LYZL2: variants seen among roughly 807,000 people sequenced by gnomAD.
The protein encoded by LYZL2 is lysozyme like 2.
Under a neutral mutation model 17.1 loss-of-function variants are expected in LYZL2, and 13 were observed. The ratio of observed to expected loss-of-function variants is 0.76; its 90% CI spans 0.49 to 1.21. The LOEUF (loss-of-function observed/expected upper bound fraction) is 1.21, where lower values mean the gene tolerates loss of function less well. Among genes scored for constraint, LYZL2 ranks in the 50% most tolerant of loss-of-function variants. The pLI is 0.00. For missense variants in LYZL2, 166 were observed against 189.2 expected, an observed-to-expected ratio of 0.88 and a Z score of 0.72; for synonymous variants, 63 against 74.4, an observed-to-expected ratio of 0.85 and a Z score of 0.79.
chr10:30,609,230 C>G (rs781715084), downstream of LYZL2, among the ~76,000 whole-genome samples: 2 of 152,156 alleles, frequency 1.3e-5, no homozygotes, highest in Non-Finnish European at 2.9e-5. Context: ...TGGTCTAGGC[C>G]TCAAGTAGCT....
At chr10:30,607,349 A>G (rs1838389197), downstream of LYZL2, among the ~76,000 whole-genome samples, 1 of 152,074 alleles carries the variant, frequency 6.6e-6, no homozygotes. Context: ...CTTTTGGGTT[A>G]CATCAGCAAA....
downstream of LYZL2, among the ~76,000 whole-genome samples, chr10:30,607,594 C>T (rs1356101081): frequency 1.3e-5 from 2 of 152,114 alleles, no homozygotes; most frequent in African/African-American, 2.4e-5. Flanking sequence ...CTTGTGGAAT[C>T]GGATGAGAGA....
At chr10:30,608,399 T>C (rs770775122), downstream of LYZL2, among the ~76,000 whole-genome samples, 1 of 152,236 alleles carries the variant, frequency 6.6e-6, no homozygotes, top group Admixed American at 6.5e-5. Flanking sequence ...GCCTCTACTT[T>C]TAAAATTCAC....
At chr10:30,611,724 A>AAGAAAGAAAGAAAGAAAGAAAGAG (rs1564406074), downstream of LYZL2, 14 of 398,738 alleles carry the variant, frequency 3.5e-5, 1 homozygote, top group African/African-American at 7.3e-4. Flanking sequence ...GAAAGAAAGA[A>AAGAAAGAAAGAAAGAAAGAAAGAG]AAGAAAAGAA....
chr10:30,620,463 A>G (rs7896682), intron 3 of LYZL2, among the ~76,000 whole-genome samples: 27,078 of 152,208 alleles, frequency 0.18, 2,981 homozygotes, highest in East Asian at 0.48. Context: ...CTTTCAAAAT[A>G]GTCTTTTTCT....
chr10:30,611,574 A>AAGGAAGGAAGGAAGGAAGGAAG (rs1268623996), downstream of LYZL2, among the ~76,000 whole-genome samples: 20 of 61,918 alleles, frequency 3.2e-4, no homozygotes, highest in East Asian at 4.6e-4. Flanking sequence ...AAGGAAGGAA[A>AAGGAAGGAAGGAAGGAAGGAAG]GAAAGAAAGA....
chr10:30,620,962 A>G (rs937282961), intron 3 of LYZL2, among the ~76,000 whole-genome samples: 2 of 152,228 alleles, frequency 1.3e-5, no homozygotes, highest in African/African-American at 4.8e-5. Context: ...AGGAACCTCA[A>G]TGATGAATGG....
At chr10:30,625,367 G>A (rs1404662703) in intron 3 of LYZL2, among the ~76,000 whole-genome samples, 1 of 152,128 alleles carries the variant, frequency 6.6e-6, no homozygotes, top group African/African-American at 2.4e-5. Flanking sequence ...CATTGCCCAG[G>A]ATAATCTCTC....
chr10:30,616,334 T>G (rs1838527326), intron 3 of LYZL2, among the ~76,000 whole-genome samples: 1 of 152,224 alleles, frequency 6.6e-6, no homozygotes, highest in Non-Finnish European at 1.5e-5. Context: ...ATACGCAGAT[T>G]CACTAGCATT....
chr10:30,609,158 T>C, downstream of LYZL2, among the ~76,000 whole-genome samples: 1 of 152,194 alleles, frequency 6.6e-6, no homozygotes, highest in East Asian at 1.9e-4. Context: ...TATTTTTGAA[T>C]GTTAACTATT....
In LYZL2 at chr10:30,629,573, A is replaced by G. The variant is rs547083375; in HGVS notation, c.-26+20T>C. ...GGTTCTCAGGGACAGGTGGCTTCAT[A>G]AGAGTAATTTAGGTCTTACTGAAAA... On this transcript the variant is annotated intron_variant, in intron 1 of 4. Transcript: ENST00000647634. 9.9e-6 allele frequency: 16 copies of G among 1,612,560 alleles called. No homozygotes were observed. The African/African-American group carries it at 1.6e-4, about 16-fold the overall frequency.
chr10:30,619,068 A>G (rs1190692823), intron 3 of LYZL2, among the ~76,000 whole-genome samples: 2 of 152,266 alleles, frequency 1.3e-5, no homozygotes, highest in Admixed American at 6.5e-5. Flanking sequence ...CAACAGACAC[A>G]TGAAAAAATG....
downstream of LYZL2, among the ~76,000 whole-genome samples, chr10:30,610,750 AT>A (rs950152378): frequency 5.9e-3 from 886 of 149,046 alleles, 8 homozygotes; most frequent in African/African-American, 0.02. Context: ...TTATTTATTT[AT>A]TTTTTTTTCT....
At position 30,626,865 on chromosome 10, in the gene LYZL2, G is replaced by A. The variant is rs41288995; in HGVS notation, c.51C>T (p.Ala17=). 20 of 1,613,498 alleles carry A rather than the reference G, an allele frequency of 1.2e-5. 1 individual carries two copies. In the South Asian group the frequency reaches 1.6e-4, roughly 13 times the overall value. Residue 17 remains alanine, a synonymous_variant, in exon 2 of 5, where the codon GCC becomes GCT. Transcript: ENST00000647634. ...TGCAACGAGTGTAGATTTTGGACTCGGCGCCTGTGACCAGGCAGCCAATGA... is the reference window on the plus strand; with the variant it reads ...TGCAACGAGTGTAGATTTTGGACTCAGCGCCTGTGACCAGGCAGCCAATGA... ...LTLIGCLVTG[A]ESKIYTRCKL...
At chr10:30,607,845 A>T (rs1225710935), downstream of LYZL2, among the ~76,000 whole-genome samples, 4 of 152,176 alleles carry the variant, frequency 2.6e-5, no homozygotes, top group African/African-American at 9.7e-5. Context: ...GGGGGATAGC[A>T]ATGTCCGTCC....
Position 30,625,759 on chromosome 10 carries a change from T to G in LYZL2, c.298+346A>C, listed in dbSNP as rs187807510. Among the ~76,000 whole-genome samples, 38 of 152,328 alleles carry G rather than the reference T, an allele frequency of 2.5e-4. 1 individual carries two copies. The highest frequency in any genetic ancestry group is 8.9e-4 in the African/African-American group (37 of 41,576). On this transcript the variant is annotated intron_variant, in intron 3 of 4. Coordinates refer to ENST00000647634, the MANE Select transcript of LYZL2 (RefSeq NM_183058.3). ...TCAAAGAAGTACAAACTGCATCCTTTGAGTGAATTGCTTATGGAAAGCAGC... is the reference window on the plus strand; with the variant it reads ...TCAAAGAAGTACAAACTGCATCCTTGGAGTGAATTGCTTATGGAAAGCAGC...
Position 30,621,542 on chromosome 10 carries a change from C to A in LYZL2, c.298+4563G>T, listed in dbSNP as rs574282231. 1.3e-4 allele frequency among the ~76,000 whole-genome samples: 20 copies of A among 152,134 alleles called. No individual in the cohort carries two copies. The East Asian group carries it at 3.7e-3, about 28-fold the overall frequency. On this transcript the variant is annotated intron_variant, in intron 3 of 4. Coordinates refer to ENST00000647634, the MANE Select transcript of LYZL2 (RefSeq NM_183058.3). ...AAGGCTGCAGTGAGTTGTGATCATG[C>A]CACTACACTCACAGTGTTGTTCTGA...
At chr10:30,613,323 C>T (rs1164534500) in intron 3 of LYZL2, among the ~76,000 whole-genome samples, 7 of 152,018 alleles carry the variant, frequency 4.6e-5, no homozygotes, top group Non-Finnish European at 8.8e-5. Flanking sequence ...ATAGCAAGAC[C>T]TCATCTCTAC....
chr10:30,611,347 A>G (rs1838429893), downstream of LYZL2, among the ~76,000 whole-genome samples: 1 of 151,208 alleles, frequency 6.6e-6, no homozygotes, highest in South Asian at 2.1e-4. Context: ...ACATGGAGAA[A>G]CCCCATCTGG....
Sources: gnomAD v4.1 joint callset for allele counts (sites outside exome capture counted in the v4.1 genomes callset) on GRCh38, gnomAD v4.1.1 for gene constraint, MANE v1.5 for transcripts, NCBI Gene and HGNC (gene_info 2026-07-23, HGNC 2026-07-21) for gene names.